RBM39: variants seen among roughly 807,000 people sequenced by gnomAD.
RBM39 encodes the protein RNA-binding protein 39.
In RBM39, 12 loss-of-function variants were observed where a neutral mutation model predicts 79.6. That is an observed-to-expected ratio of 0.15 (90% CI 0.10 to 0.24). The LOEUF (loss-of-function observed/expected upper bound fraction) is 0.24. RBM39 is among the 10% of genes least tolerant of loss of function. The pLI is 1.00. For missense variants in RBM39, 243 were observed against 653.4 expected (o/e 0.37, Z 6.85); for synonymous variants, 185 against 208.4 (o/e 0.89, Z 0.97).
intron 6 of RBM39, among the ~76,000 whole-genome samples, chr20:35,728,445 A>C (rs1417048305): frequency 6.6e-6 from 1 of 152,212 alleles, no homozygotes; most frequent in Non-Finnish European, 1.5e-5. Flanking sequence ...ATAAATGCAA[A>C]AAGTTTATTT....
chr20:35,725,320 A>C (rs2038518534), intron 6 of RBM39, among the ~76,000 whole-genome samples, 165 bp from the exon 7 acceptor site: 1 of 152,154 alleles, frequency 6.6e-6, no homozygotes, highest in South Asian at 2.1e-4. Flanking sequence ...TGTACCTGTC[A>C]CCTGAGCAGT....
At chr20:35,741,650 T>C (rs1029414391) in intron 1 of RBM39, 1 of 151,920 alleles carries the variant, frequency 6.6e-6, no homozygotes, top group Non-Finnish European at 1.5e-5. Flanking sequence ...TGGGAGGGGT[T>C]ATGAGCCAAG....
chr20:35,733,155 T>C (rs1336002193), intron 3 of RBM39, among the ~76,000 whole-genome samples: 3 of 151,174 alleles, frequency 2.0e-5, no homozygotes, highest in Middle Eastern at 3.4e-3. Flanking sequence ...ATACAAAAAT[T>C]AGCCAGGCCT....
chr20:35,709,676 C>T (rs182269666), intron 12 of RBM39, among the ~76,000 whole-genome samples: 2 of 152,228 alleles, frequency 1.3e-5, no homozygotes, highest in East Asian at 1.9e-4. Flanking sequence ...GTACTTAACA[C>T]TTTAAAAGGA....
chr20:35,705,521 G>T, intron 14 of RBM39, 191 bp from the exon 15 acceptor site: 1 of 457,832 alleles, frequency 2.2e-6, no homozygotes, highest in Non-Finnish European at 3.8e-6. Context: ...AATGAGGCCG[G>T]GCGCGGTGAC....
intron 13 of RBM39, among the ~76,000 whole-genome samples, chr20:35,708,508 T>C (rs1358744167): frequency 6.6e-6 from 1 of 152,152 alleles, no homozygotes; most frequent in Non-Finnish European, 1.5e-5. Context: ...AAAACAGCAC[T>C]GATTAGAAGC....
intron 6 of RBM39, among the ~76,000 whole-genome samples, chr20:35,727,289 G>T (rs1342480660): frequency 6.6e-6 from 1 of 151,672 alleles, no homozygotes; most frequent in East Asian, 1.9e-4. Flanking sequence ...ATTAGAAACT[G>T]CAGTGAGACA....
At chr20:35,735,239 T>C (rs889476051) in intron 3 of RBM39, among the ~76,000 whole-genome samples, 4 of 152,216 alleles carry the variant, frequency 2.6e-5, no homozygotes, top group African/African-American at 9.6e-5. Flanking sequence ...GATTTAGACT[T>C]TGCAAAACTG....
At chr20:35,718,229 G>C (rs1225161427) in intron 9 of RBM39, among the ~76,000 whole-genome samples, 1 of 151,854 alleles carries the variant, frequency 6.6e-6, no homozygotes, top group South Asian at 2.1e-4. Flanking sequence ...TTATTTGCTA[G>C]TATTTGCTAA....
rs1431126273 is a variant in RBM39, at chr20:35,723,789, C to T, written c.687+781G>A. On this transcript the variant is annotated intron_variant, in intron 8 of 16. Transcript: ENST00000253363. ...AAAGCGCTGTGCGGCTCAAGTGATC[C>T]TAACACTTCAGGAGGCCCAGGCCAG... is the stretch of plus-strand genomic sequence containing the variant. Among the ~76,000 whole-genome samples the T allele has an allele frequency of 2.0e-5, 3 of 152,158 alleles. 1 individual carries two copies. The East Asian group carries it at 5.8e-4, about 29-fold the overall frequency.
At chr20:35,738,172 A>T (rs77735632) in intron 3 of RBM39, among the ~76,000 whole-genome samples, 6 of 150,236 alleles carry the variant, frequency 4.0e-5, no homozygotes, top group African/African-American at 1.5e-4. Context: ...AAAAAAAAAA[A>T]TCAAAGAATC....
intron 14 of RBM39, 72 bp downstream of exon 14, chr20:35,707,048 A>T: frequency 1.4e-6 from 1 of 731,420 alleles, no homozygotes; most frequent in East Asian, 3.7e-5. Context: ...AAAAAAAAAA[A>T]AAAGAGAAAT....
chr20:35,725,189 T>C (rs1209948925), intron 6 of RBM39, 34 bp from the exon 7 acceptor site: 8 of 1,273,232 alleles, frequency 6.3e-6, no homozygotes, highest in Non-Finnish European at 8.8e-6. Flanking sequence ...ATTAATTTCA[T>C]AACAGATTTT....
At chr20:35,721,342 T>C (rs2037917627) in intron 9 of RBM39, among the ~76,000 whole-genome samples, 1 of 152,190 alleles carries the variant, frequency 6.6e-6, no homozygotes, top group African/African-American at 2.4e-5. Flanking sequence ...TTTCCTTCTT[T>C]TGACACAGGA....
At chr20:35,712,451 A>AC (rs1414450423) in intron 12 of RBM39, among the ~76,000 whole-genome samples, 2 of 139,198 alleles carry the variant, frequency 1.4e-5, no homozygotes, top group African/African-American at 5.3e-5. Flanking sequence ...AAAAAAAAAA[A>AC]AAAAAAAAGG....
chr20:35,738,902 A>G (rs1398159010), intron 3 of RBM39, 66 bp downstream of exon 3: 62 of 1,383,042 alleles, frequency 4.5e-5, no homozygotes, highest in Non-Finnish European at 6.2e-5. Flanking sequence ...CCACAGGAAC[A>G]CAACTTAAGG....
intron 13 of RBM39, chr20:35,707,653 T>C (rs1319255948): frequency 5.6e-6 from 1 of 179,780 alleles, no homozygotes; most frequent in East Asian, 1.8e-4. Flanking sequence ...CTACAAATTA[T>C]TAAAGAATTA....
chr20:35,736,538 T>C (rs779680078), intron 3 of RBM39: 3 of 470,270 alleles, frequency 6.4e-6, no homozygotes, highest in African/African-American at 6.0e-5. Flanking sequence ...TGAGAAAGAC[T>C]GACATACTTA....
chr20:35,737,565 A>C (rs115388050), intron 3 of RBM39, among the ~76,000 whole-genome samples: 3,183 of 150,342 alleles, frequency 0.021, 111 homozygotes, highest in African/African-American at 0.074. Context: ...TGTCTCAAAG[A>C]AAAAATAAAG....
Sources: allele counts gnomAD v4.1 joint callset (sites outside exome capture counted in the v4.1 genomes callset), GRCh38; gene constraint gnomAD v4.1.1; transcripts MANE v1.5; gene names NCBI Gene and HGNC (gene_info 2026-07-23, HGNC 2026-07-21).